MPP2: variants seen among roughly 807,000 people sequenced by gnomAD.
MPP2 encodes the protein MAGUK p55 scaffold protein 2, also known as MAGUK p55 subfamily member 2.
Under a neutral mutation model 58.5 loss-of-function variants are expected in MPP2, and 42 were observed. That is an observed-to-expected ratio of 0.72 (90% CI 0.56 to 0.93). MPP2 has a LOEUF of 0.93. Ranked by LOEUF, MPP2 falls within the 40% of genes least tolerant of loss-of-function variation. The pLI, the probability that MPP2 is intolerant of heterozygous loss-of-function variation, is 0.00. For missense variants in MPP2, 632 were observed against 760.4 expected (o/e 0.83, Z 1.99); for synonymous variants, 300 against 307.8 (o/e 0.97, Z 0.26).
At chr17:43,902,530 G>A (rs187552142) in intron 2 of MPP2, among the ~76,000 whole-genome samples, 28 of 152,326 alleles carry the variant, frequency 1.8e-4, no homozygotes, top group African/African-American at 6.5e-4. Flanking sequence ...AGGAGATGGG[G>A]GACTGAGCCC....
rs558754890 is a variant in MPP2 at position 43,892,368 on chromosome 17, G to C, written c.150+5894C>G. On this transcript the variant is annotated intron_variant, in intron 3 of 12. Coordinates refer to ENST00000269095, the MANE Select transcript of MPP2 (RefSeq NM_005374.5). Reference sequence around the variant, plus strand: ...GCTGGATCTTTGATCACAGTGCTTTGTCTATTAGGTTAGAAATTTGTCTGT... The same window carrying C: ...GCTGGATCTTTGATCACAGTGCTTTCTCTATTAGGTTAGAAATTTGTCTGT... 1.4e-4 allele frequency among the ~76,000 whole-genome samples: 21 copies of C among 152,322 alleles called. 1 individual carries two copies. In the East Asian group the frequency reaches 4.0e-3, roughly 29 times the overall value.
intron 3 of MPP2, among the ~76,000 whole-genome samples, chr17:43,896,639 C>A (rs1016956413): frequency 3.9e-5 from 6 of 152,114 alleles, no homozygotes; most frequent in Admixed American, 6.5e-5. Context: ...GTGCCCTGGA[C>A]CAAAGCCCCC....
chr17:43,883,128 C>A (rs1413688358), intron 4 of MPP2, 75 bp downstream of exon 4: 2 of 1,555,070 alleles, frequency 1.3e-6, no homozygotes, highest in Non-Finnish European at 1.7e-6. Flanking sequence ...CAACTTCCTG[C>A]TGGCCCATCC....
intron 3 of MPP2, among the ~76,000 whole-genome samples, chr17:43,884,470 T>C (rs2047280893): frequency 6.6e-6 from 1 of 152,218 alleles, no homozygotes; most frequent in Admixed American, 6.5e-5. Flanking sequence ...TCCTCCTGCT[T>C]CAGGCTCCCA....
intron 1 of MPP2, among the ~76,000 whole-genome samples, chr17:43,906,764 T>C (rs1292039875): frequency 6.6e-6 from 1 of 151,910 alleles, no homozygotes; most frequent in East Asian, 1.9e-4. Context: ...TTGTGAGCCA[T>C]CAAAGAAGGC....
chr17:43,882,365 C>A lies in MPP2; in HGVS notation c.600G>T (p.Leu200=). 1.9e-6 allele frequency: 3 copies of A among 1,612,432 alleles called. No individual in the cohort carries two copies. The highest frequency in any genetic ancestry group is 2.5e-6 in the Non-Finnish European group (3 of 1,179,970). The part of the protein sequence containing the change: ...GQPVGSDPRA[L]QELLRNASGS... ...CACTGGCATTGCGCAGGAGCTCCTGCAGTGCGCGGGGGTCACTGCCCACTG... is the reference window on the plus strand; with the variant it reads ...CACTGGCATTGCGCAGGAGCTCCTGAAGTGCGCGGGGGTCACTGCCCACTG... The change falls in exon 6 of 13, where the codon CTG becomes CTT. Residue 200 remains leucine, a synonymous_variant. Transcript: ENST00000269095.
rs1325940123 is a variant in MPP2, at chr17:43,876,138, T to C, written c.*1669A>G. The C allele has an allele frequency of 6.6e-6, 1 of 152,650 alleles. No individual in the cohort carries two copies. Among genetic ancestry groups the C allele is most frequent in the African/African-American group, 2.4e-5 (1 of 41,454 alleles). The allele number at this position is 152,650 out of a possible 1,614,324, so 9.5% of individuals were successfully genotyped here. A position where few individuals can be genotyped will look rare whatever the true frequency, so the allele number is the denominator to read the frequency against. ...TCTATGCAAATGCAAATGAGATTCCTAGTATAAGAAATATATTCTAACATT... is the reference window on the plus strand; with the variant it reads ...TCTATGCAAATGCAAATGAGATTCCCAGTATAAGAAATATATTCTAACATT... On this transcript the variant is annotated 3_prime_UTR_variant, in exon 13 of 13. Coordinates refer to ENST00000269095, the MANE Select transcript of MPP2 (RefSeq NM_005374.5).
At chr17:43,904,391 A>AACC (rs2143797311) in intron 2 of MPP2, 39 bp downstream of exon 2, 2 of 1,609,020 alleles carry the variant, frequency 1.2e-6, no homozygotes, top group East Asian at 4.5e-5. Flanking sequence ...GCACCCTCTG[A>AACC]ACCACTGAAA....
At chr17:43,893,301 A>G (rs534473776) in intron 3 of MPP2, among the ~76,000 whole-genome samples, 1 of 152,352 alleles carries the variant, frequency 6.6e-6, no homozygotes, top group Admixed American at 6.5e-5. Flanking sequence ...GGAAAGTTAC[A>G]GATGTTGAGG....
intron 2 of MPP2, chr17:43,901,241 G>A (rs1344735465): frequency 2.0e-6 from 2 of 984,826 alleles, no homozygotes; most frequent in Admixed American, 6.1e-5. Context: ...CGTGGGGGAG[G>A]TGGCATCGCT....
At chr17:43,884,995 G>A (rs970759398) in intron 3 of MPP2, among the ~76,000 whole-genome samples, 9 of 151,800 alleles carry the variant, frequency 5.9e-5, no homozygotes, top group African/African-American at 1.2e-4. Context: ...AGTGGTGGGC[G>A]CCTGTAATCC....
intron 3 of MPP2, among the ~76,000 whole-genome samples, chr17:43,890,822 G>GT (rs1240289074): frequency 6.6e-6 from 1 of 151,464 alleles, no homozygotes; most frequent in Non-Finnish European, 1.5e-5. Context: ...ACATGGAAAG[G>GT]GGTCTGGCCA....
At chr17:43,889,017 C>T (rs536192277) in intron 3 of MPP2, among the ~76,000 whole-genome samples, 92 of 152,134 alleles carry the variant, frequency 6.0e-4, no homozygotes, top group African/African-American at 2.0e-3. Flanking sequence ...ACCTCCACTT[C>T]CTGGGCTCAA....
Position 43,879,506 on chromosome 17 carries a change from T to C in MPP2, c.1354-103A>G. 1 of 1,463,074 alleles carries C rather than the reference T, an allele frequency of 6.8e-7. No homozygotes were observed. The highest frequency in any genetic ancestry group is 9.4e-7 in the Non-Finnish European group (1 of 1,063,750). The allele number at this position is 1,463,074 out of a possible 1,614,324, so 90.6% of individuals were successfully genotyped here. On this transcript the variant is annotated intron_variant, in intron 11 of 12. Coordinates refer to ENST00000269095, the MANE Select transcript of MPP2 (RefSeq NM_005374.5). This position sits in a 1 kb window ranked among gnomAD's most constrained non-coding sequence, Gnocchi z 4.1. ...TGGGGTTGGGGTGAGCACTTGGGAG[T>C]GGATGAGAAAAGGGTGCCCGGGGGT...
chr17:43,898,801 C>T (rs995426657), intron 2 of MPP2, among the ~76,000 whole-genome samples: 2 of 152,166 alleles, frequency 1.3e-5, no homozygotes, highest in African/African-American at 4.8e-5. Context: ...CCCATCTCTA[C>T]TAAAAATACC....
chr17:43,893,762 C>T lies in MPP2; in HGVS notation c.150+4500G>A, dbSNP rs143435686. On this transcript the variant is annotated intron_variant, in intron 3 of 12. Transcript: ENST00000269095. The stretch of plus-strand genomic sequence containing the variant: ...ACAGTTGCATACCAAAACCACCCCC[C>T]TCACCCTGATCCGTGGAAAAATTGT... Among the ~76,000 whole-genome samples the T allele has an allele frequency of 2.1e-3, 316 of 152,322 alleles. 1 individual carries two copies. Among genetic ancestry groups the T allele is most frequent in the Non-Finnish European group, 3.7e-3 (255 of 68,024 alleles).
intron 1 of MPP2, chr17:43,905,989 A>C (rs1344760506): frequency 1.7e-6 from 1 of 590,544 alleles, no homozygotes; most frequent in Non-Finnish European, 2.1e-6. Context: ...CCCAGGATCC[A>C]CTGTGCTGGC....
rs2143545551 is a variant in MPP2 at position 43,881,153 on chromosome 17, G to A, written c.925C>T (p.Leu309=). ...DLELTPNSGT[L]CGSLSGKKKK... ...TTCTTTCCTGAAAGGCTGCCGCATA[G>A]GGTCCCTGGCCATAGGGAGATGGGT... Residue 309 remains leucine, a synonymous_variant, in exon 9 of 13, where the codon CTA becomes TTA. Transcript: ENST00000269095. 1 of 1,614,098 alleles carries A rather than the reference G, an allele frequency of 6.2e-7. No individual in the cohort carries two copies. Among genetic ancestry groups the A allele is most frequent in the Non-Finnish European group, 8.5e-7 (1 of 1,180,004 alleles).
intron 3 of MPP2, among the ~76,000 whole-genome samples, chr17:43,886,338 G>A (rs1323566591): frequency 6.6e-6 from 1 of 151,464 alleles, no homozygotes; most frequent in African/African-American, 2.4e-5. Context: ...AGGATGGAGT[G>A]CAGTGGCGCG....
Sources: allele counts gnomAD v4.1 joint callset (sites outside exome capture counted in the v4.1 genomes callset), GRCh38; gene constraint gnomAD v4.1.1; non-coding constraint Gnocchi (gnomAD v3.1); transcripts MANE v1.5; gene names NCBI Gene and HGNC (gene_info 2026-07-23, HGNC 2026-07-21).